Variants in KLHL1 observed in about 807,000 individuals in gnomAD.
KLHL1 encodes the protein kelch like family member 1.
A neutral mutation model predicts 77.7 loss-of-function variants in KLHL1; 47 were observed. The observed-to-expected ratio is 0.60, with a 90% CI of 0.48 to 0.77. The LOEUF is 0.77. Among genes scored for constraint, KLHL1 ranks in the 30% least tolerant of loss-of-function variants. KLHL1 has a pLI of 0.00. For missense variants in KLHL1, 925 were observed against 910.8 expected (o/e 1.02, Z -0.20); for synonymous variants, 360 against 325.2 (o/e 1.11, Z -1.15).
intron 6 of KLHL1, among the ~76,000 whole-genome samples, chr13:69,823,163 T>A (rs867304294): frequency 5.9e-5 from 9 of 151,806 alleles, no homozygotes; most frequent in Middle Eastern, 3.4e-3. Flanking sequence ...CATCATTTAT[T>A]GAATCAGCAT....
At chr13:69,782,404 T>C (rs977147662) in intron 7 of KLHL1, among the ~76,000 whole-genome samples, 1 of 152,194 alleles carries the variant, frequency 6.6e-6, no homozygotes, top group Non-Finnish European at 1.5e-5. Flanking sequence ...GGGAGTTCCC[T>C]TTCCTAGTCA....
chr13:70,090,141 T>G (rs1042795983), intron 1 of KLHL1, among the ~76,000 whole-genome samples: 1 of 152,114 alleles, frequency 6.6e-6, no homozygotes. Flanking sequence ...ATAAGTCTAT[T>G]TATATGTTGG....
intron 1 of KLHL1, among the ~76,000 whole-genome samples, chr13:70,008,234 G>T (rs1179576900): frequency 6.6e-6 from 1 of 151,824 alleles, no homozygotes; most frequent in African/African-American, 2.4e-5. Context: ...GTTTCTTTTG[G>T]AATGTTTACA....
At position 69,796,768 on chromosome 13, in the gene KLHL1, G is replaced by A. The variant is rs1298236136; in HGVS notation, c.1609C>T (p.Pro537Ser). The A allele has an allele frequency of 1.2e-6, 2 of 1,613,338 alleles. No individual in the cohort carries two copies. The highest frequency in any genetic ancestry group is 4.5e-5 in the East Asian group (2 of 44,860). ...NPKTKTWTVL[P>S]PMSTHRHGLG... ...CCATGTCTGTGTGTTGACATTGGTG[G>A]TAAGACAGTCCATGTCTTGGTTTTG... The change falls in exon 7 of 11, where the codon CCA (proline) becomes TCA (serine). Residue 537 changes from proline (P) to serine (S), a missense_variant. Pro to Ser is a moderately conservative substitution (Grantham distance 74). Coordinates refer to ENST00000377844, the MANE Select transcript of KLHL1 (RefSeq NM_020866.3).
At chr13:69,870,060 G>A (rs1158528606) in intron 5 of KLHL1, among the ~76,000 whole-genome samples, 2 of 152,140 alleles carry the variant, frequency 1.3e-5, no homozygotes, top group African/African-American at 2.4e-5. Flanking sequence ...TTAAGATGGG[G>A]AGGTGTCTCA....
At chr13:70,021,390 T>A (rs1008843997) in intron 1 of KLHL1, among the ~76,000 whole-genome samples, 10 of 152,078 alleles carry the variant, frequency 6.6e-5, no homozygotes, top group African/African-American at 2.4e-4. Flanking sequence ...GATATACCAA[T>A]GTTTATTAAT....
chr13:69,802,969 C>T (rs1336993896), intron 6 of KLHL1: 2 of 152,120 alleles, frequency 1.3e-5, no homozygotes, highest in Non-Finnish European at 2.9e-5. Flanking sequence ...GCATTTACAA[C>T]TAATCAATCA....
At chr13:70,008,319 G>T (rs959023661) in intron 1 of KLHL1, among the ~76,000 whole-genome samples, 1 of 151,986 alleles carries the variant, frequency 6.6e-6, no homozygotes, top group Non-Finnish European at 1.5e-5. Flanking sequence ...TTGTTTCACT[G>T]ATTGAGAACA....
rs575072452 is a variant in KLHL1 at position 69,731,132 on chromosome 13, ATGTG to A, written c.1802+9258_1802+9261del. 1.1e-3 allele frequency among the ~76,000 whole-genome samples: 174 copies of A among 152,264 alleles called. 1 individual carries two copies. Among genetic ancestry groups the A allele is most frequent in the Non-Finnish European group, 2.2e-3 (149 of 68,014 alleles). On this transcript the variant is annotated intron_variant, in intron 8 of 10. Coordinates refer to ENST00000377844, the MANE Select transcript of KLHL1 (RefSeq NM_020866.3). ...TGTTACACAAATTGGTGTTAATAAAATGTGTGTATTATTAAATATATACATTTTC... is the reference window on the plus strand; with the variant it reads ...TGTTACACAAATTGGTGTTAATAAAATGTATTATTAAATATATACATTTTC...
intron 7 of KLHL1, among the ~76,000 whole-genome samples, chr13:69,765,305 T>C (rs1875244743): frequency 6.6e-6 from 1 of 152,086 alleles, no homozygotes; most frequent in South Asian, 2.1e-4. Flanking sequence ...TACATTTATA[T>C]ACTTTATGAA....
chr13:69,978,360 A>G (rs1884608341), intron 1 of KLHL1, among the ~76,000 whole-genome samples: 1 of 151,732 alleles, frequency 6.6e-6, no homozygotes, highest in Non-Finnish European at 1.5e-5. Flanking sequence ...TAGGTTTTAA[A>G]ATTCAAGATA....
At chr13:69,937,785 A>G (rs974677103) in intron 4 of KLHL1, among the ~76,000 whole-genome samples, 5 of 152,292 alleles carry the variant, frequency 3.3e-5, no homozygotes, top group Non-Finnish European at 7.4e-5. Flanking sequence ...GAAATTTCCA[A>G]AGGAAAGATG....
At chr13:69,990,195 C>T (rs1566478064) in intron 1 of KLHL1, among the ~76,000 whole-genome samples, 1 of 151,946 alleles carries the variant, frequency 6.6e-6, no homozygotes, top group African/African-American at 2.4e-5. Context: ...GATGGAAAGA[C>T]CATTACCAGC....
chr13:69,973,727 G>A (rs1051361321), intron 2 of KLHL1, among the ~76,000 whole-genome samples: 1 of 151,976 alleles, frequency 6.6e-6, no homozygotes, highest in African/African-American at 2.4e-5. Flanking sequence ...TTGTTCAAGC[G>A]TCACACAATA....
chr13:70,072,774 TAA>T (rs1475984211), intron 1 of KLHL1, among the ~76,000 whole-genome samples: 2 of 152,174 alleles, frequency 1.3e-5, no homozygotes, highest in East Asian at 3.9e-4. Context: ...CAGCTGGTGC[TAA>T]GTGTTGATGG....
intron 1 of KLHL1, among the ~76,000 whole-genome samples, chr13:70,022,157 G>C (rs185433075): frequency 6.6e-6 from 1 of 151,920 alleles, no homozygotes; most frequent in Admixed American, 6.6e-5. Flanking sequence ...TTTTGGGGGA[G>C]GGTATAAGGT....
chr13:69,754,903 G>C (rs1379079240), intron 7 of KLHL1, among the ~76,000 whole-genome samples: 1 of 152,106 alleles, frequency 6.6e-6, no homozygotes, highest in Non-Finnish European at 1.5e-5. Context: ...TTTCAGATCT[G>C]ACTCAAATGG....
At chr13:70,019,951 CT>C (rs1030720553) in intron 1 of KLHL1, among the ~76,000 whole-genome samples, 50 of 152,206 alleles carry the variant, frequency 3.3e-4, no homozygotes, top group Middle Eastern at 3.4e-3. Context: ...TGAATTAACT[CT>C]CTTCTGCTAT....
chr13:69,728,895 T>C (rs971243162), intron 8 of KLHL1, among the ~76,000 whole-genome samples: 3 of 152,118 alleles, frequency 2.0e-5, no homozygotes, highest in Non-Finnish European at 2.9e-5. Flanking sequence ...ACTCTGTTTT[T>C]ATACATTTTG....
Sources: gnomAD v4.1 joint callset for allele counts (sites outside exome capture counted in the v4.1 genomes callset) on GRCh38, gnomAD v4.1.1 for gene constraint, MANE v1.5 for transcripts, NCBI Gene and HGNC (gene_info 2026-07-23, HGNC 2026-07-21) for gene names.